The following COG5 variants were observed in gnomAD, a reference collection of about 807,000 sequenced individuals.
COG5 encodes the protein component of oligomeric golgi complex 5, also known as conserved oligomeric Golgi complex subunit 5.
COG5 carries 86 observed loss-of-function variants against 110.4 expected under a neutral mutation model. The ratio of observed to expected loss-of-function variants is 0.78; its 90% CI spans 0.65 to 0.93. The LOEUF is 0.93. Ranked by LOEUF, COG5 falls within the 40% of genes least tolerant of loss-of-function variation. COG5 has a pLI of 0.00. For synonymous variants in COG5, 360 were observed against 334.6 expected (o/e 1.08, Z -0.83); for missense variants, 1,077 against 987.0 (o/e 1.09, Z -1.22).
intron 20 of COG5, among the ~76,000 whole-genome samples, chr7:107,210,822 T>C (rs1017845983): frequency 2.6e-5 from 4 of 152,122 alleles, no homozygotes; most frequent in Non-Finnish European, 4.4e-5. Context: ...GCAAAGAAAA[T>C]GGGGCTGCCA....
At chr7:107,270,503 CA>C (rs1804166853) in intron 14 of COG5, among the ~76,000 whole-genome samples, 2 of 152,152 alleles carry the variant, frequency 1.3e-5, no homozygotes, top group African/African-American at 4.8e-5. Context: ...TCAAGCGATC[CA>C]CCTGCCTTGG....
intron 14 of COG5, among the ~76,000 whole-genome samples, chr7:107,260,049 T>A (rs1249028495): frequency 6.8e-6 from 1 of 147,882 alleles, no homozygotes; most frequent in East Asian, 2.0e-4. Flanking sequence ...AGAGTGACCA[T>A]GTGACACAGC....
intron 12 of COG5, among the ~76,000 whole-genome samples, chr7:107,295,293 T>G (rs1806652098): frequency 1.3e-5 from 2 of 150,960 alleles, no homozygotes; most frequent in Admixed American, 1.3e-4. Context: ...AAAACCTTAC[T>G]CTAAATTTCT....
intron 6 of COG5, among the ~76,000 whole-genome samples, chr7:107,430,649 C>T (rs1433746412): frequency 2.0e-5 from 3 of 152,176 alleles, no homozygotes; most frequent in East Asian, 3.9e-4. Flanking sequence ...GCAGCAAACA[C>T]CAATTCGGAT....
intron 19 of COG5, among the ~76,000 whole-genome samples, chr7:107,214,205 A>C (rs972274181): frequency 2.6e-5 from 4 of 152,202 alleles, no homozygotes; most frequent in Admixed American, 2.0e-4. Flanking sequence ...AAGACACATA[A>C]TAAACTGTCA....
intron 6 of COG5, among the ~76,000 whole-genome samples, chr7:107,510,277 A>T (rs1584914188): frequency 6.6e-6 from 1 of 152,140 alleles, no homozygotes; most frequent in Non-Finnish European, 1.5e-5. Context: ...ACTTTAAACC[A>T]ACAAAGATCA....
chr7:107,362,783 T>C (rs1412462898), intron 8 of COG5, among the ~76,000 whole-genome samples: 1 of 151,258 alleles, frequency 6.6e-6, no homozygotes, highest in Non-Finnish European at 1.5e-5. Context: ...TGTATGCACA[T>C]GTGTGTGTAT....
chr7:107,246,049 G>A (rs1802030220), intron 17 of COG5, among the ~76,000 whole-genome samples: 1 of 152,128 alleles, frequency 6.6e-6, no homozygotes, highest in Admixed American at 6.5e-5. Flanking sequence ...AGAAAGCCCA[G>A]AAATAAGGTC....
chr7:107,436,104 G>C lies in COG5; in HGVS notation c.539-23472C>G, dbSNP rs565503246. Among the ~76,000 whole-genome samples, 11 of 152,322 alleles carry C rather than the reference G, an allele frequency of 7.2e-5. No individual in the cohort carries two copies. The East Asian group carries it at 1.7e-3, about 24-fold the overall frequency. On this transcript the variant is annotated intron_variant, in intron 6 of 21. Transcript: ENST00000297135. ...TAATTAAGTGGATCTCATAGAGGTA[G>C]AGAATAGACTGGTGATAACCAGACA... is the stretch of plus-strand genomic sequence containing the variant.
At position 107,474,128 on chromosome 7, in the gene COG5, T is replaced by C. The variant is rs188712129; in HGVS notation, c.538+53109A>G. On this transcript the variant is annotated intron_variant, in intron 6 of 21. Transcript: ENST00000297135. This position sits in a 1 kb window ranked among gnomAD's most constrained non-coding sequence, Gnocchi z 5.7. ...TCTAACATTACAGTGCGAGATGACA[T>C]TGATGACATCAACACCAATATGTAC... 45 of 1,610,188 alleles carry C rather than the reference T, an allele frequency of 2.8e-5. No homozygotes were observed. Among genetic ancestry groups the C allele is most frequent in the East Asian group, 1.6e-4 (7 of 44,832 alleles).
rs560988098 is a variant in COG5, at chr7:107,506,350, G to A, written c.538+20887C>T. ...GGGCAGGGCCATAAAGCTCCCAAAA[G>A]TTTCTGTCCTTTGTGTTAAACTACC... On this transcript the variant is annotated intron_variant, in intron 6 of 21. Transcript: ENST00000297135. Among the ~76,000 whole-genome samples the A allele has an allele frequency of 8.5e-5, 13 of 152,286 alleles. No homozygotes were observed. In the South Asian group the frequency reaches 2.7e-3, roughly 32 times the overall value.
chr7:107,511,130 A>G (rs182221465), intron 6 of COG5, among the ~76,000 whole-genome samples: 2,259 of 149,158 alleles, frequency 0.015, 76 homozygotes, highest in African/African-American at 0.053. Context: ...AAGATCAACA[A>G]AACTGATAGA....
intron 12 of COG5, among the ~76,000 whole-genome samples, chr7:107,293,026 T>C (rs1806302731): frequency 6.6e-6 from 1 of 152,166 alleles, no homozygotes; most frequent in Non-Finnish European, 1.5e-5. Flanking sequence ...CTGCATCTTG[T>C]TATTGGGCAG....
intron 11 of COG5, among the ~76,000 whole-genome samples, chr7:107,317,643 T>C (rs1808874351): frequency 6.6e-6 from 1 of 152,176 alleles, no homozygotes; most frequent in South Asian, 2.1e-4. Context: ...TTCAAAAGGA[T>C]CAAACTGTCT....
At position 107,258,335 on chromosome 7, in the gene COG5, C is replaced by T; in HGVS notation, c.1624G>A (p.Gly542Arg). The change falls in exon 15 of 22, where the codon GGA becomes AGA. Residue 542 changes from glycine (G) to arginine (R), a missense_variant. Coordinates refer to ENST00000297135, the MANE Select transcript of COG5 (RefSeq NM_006348.5). ...ACTACTGCCACATTTCTTCTCTGTC[C>T]TTCAGTAAGAGGCCCAATCACCTGA... ...ASQVIGPLTE[G>R]QRRNVAVVNS... is the part of the protein sequence containing the mutation. 1 of 1,613,316 alleles carries T rather than the reference C, an allele frequency of 6.2e-7. No individual in the cohort carries two copies. Among genetic ancestry groups the T allele is most frequent in the Non-Finnish European group, 8.5e-7 (1 of 1,179,438 alleles).
At chr7:107,272,240 A>G (rs1804337608) in intron 14 of COG5, among the ~76,000 whole-genome samples, 1 of 152,206 alleles carries the variant, frequency 6.6e-6, no homozygotes, top group Non-Finnish European at 1.5e-5. Context: ...CACTGAGATA[A>G]ATGTATATCT....
chr7:107,295,036 T>TAC (rs1193241031), intron 12 of COG5, among the ~76,000 whole-genome samples: 2 of 60,568 alleles, frequency 3.3e-5, no homozygotes, highest in African/African-American at 5.4e-5. Flanking sequence ...TACACACACA[T>TAC]ATACACACAC....
chr7:107,375,394 T>A (rs905068510), intron 7 of COG5, among the ~76,000 whole-genome samples: 3 of 152,078 alleles, frequency 2.0e-5, no homozygotes, highest in African/African-American at 7.2e-5. Flanking sequence ...GTAGAATTGC[T>A]AAATCATATT....
At chr7:107,288,907 G>GATATATATATATATAT (rs60313728) in intron 12 of COG5, among the ~76,000 whole-genome samples, 1 of 94,148 alleles carries the variant, frequency 1.1e-5, no homozygotes. Flanking sequence ...TTCTAACAGA[G>GATATATATATATATAT]ATATATATAT....
Sources: allele counts gnomAD v4.1 joint callset (sites outside exome capture counted in the v4.1 genomes callset), GRCh38; gene constraint gnomAD v4.1.1; non-coding constraint Gnocchi (gnomAD v3.1); transcripts MANE v1.5; gene names NCBI Gene and HGNC (gene_info 2026-07-23, HGNC 2026-07-21).